The following CSMD3 variants were observed in gnomAD, a reference collection of about 807,000 sequenced individuals.
CSMD3 encodes the protein CUB and Sushi multiple domains 3.
In CSMD3, 177 loss-of-function variants were observed where a neutral mutation model predicts 435.2. The observed-to-expected ratio is 0.41, with a 90% confidence interval of 0.36 to 0.46. The LOEUF (loss-of-function observed/expected upper bound fraction) is 0.46. Ranked by LOEUF, CSMD3 falls within the 20% of genes least tolerant of loss-of-function variation. The pLI, the probability that CSMD3 is intolerant of heterozygous loss-of-function variation, is 0.34. For missense variants in CSMD3, 4,265 were observed against 4,504.6 expected (o/e 0.95, Z 1.52); for synonymous variants, 1,656 against 1,520.5 (o/e 1.09, Z -2.07).
intron 12 of CSMD3, 146 bp downstream of exon 12, chr8:112,829,540 T>G (rs2079800230): frequency 2.9e-6 from 2 of 687,188 alleles, no homozygotes; most frequent in African/African-American, 1.8e-5. Context: ...CACTAACAGA[T>G]TCTATGAAAG....
intron 31 of CSMD3, among the ~76,000 whole-genome samples, chr8:112,490,878 C>A (rs768498641): frequency 1.4e-4 from 21 of 152,204 alleles, no homozygotes; most frequent in Non-Finnish European, 2.1e-4. Context: ...TCCATGCCAT[C>A]AATCACTTTT....
intron 10 of CSMD3, among the ~76,000 whole-genome samples, chr8:112,893,199 C>G (rs2081852173): frequency 6.6e-6 from 1 of 151,390 alleles, no homozygotes; most frequent in Non-Finnish European, 1.5e-5. Flanking sequence ...TCTTAACAAA[C>G]TCTCACAACA....
At position 112,839,415 on chromosome 8, in the gene CSMD3, G is replaced by A. The variant is rs563375557; in HGVS notation, c.1756-9626C>T. On this transcript the variant is annotated intron_variant, in intron 11 of 70. Coordinates refer to ENST00000297405, the MANE Select transcript of CSMD3 (RefSeq NM_198123.2). ...CAAATATTAAATCCATAGCACCACAGTACAAAACCATTGGTTCCTTTCCAT... is the reference window on the plus strand; with the variant it reads ...CAAATATTAAATCCATAGCACCACAATACAAAACCATTGGTTCCTTTCCAT... Among the ~76,000 whole-genome samples, 45 of 151,820 alleles carry A rather than the reference G, an allele frequency of 3.0e-4. No individual in the cohort carries two copies. The South Asian group carries it at 4.8e-3, about 16-fold the overall frequency.
chr8:113,058,341 G>A (rs1164903144), intron 5 of CSMD3, among the ~76,000 whole-genome samples: 1 of 151,826 alleles, frequency 6.6e-6, no homozygotes, highest in Admixed American at 6.6e-5. Flanking sequence ...CCCAGCTAAA[G>A]TTAAATAAAA....
intron 13 of CSMD3, among the ~76,000 whole-genome samples, chr8:112,772,389 A>G (rs188333562): frequency 1.3e-5 from 2 of 152,244 alleles, no homozygotes; most frequent in East Asian, 3.9e-4. Context: ...GCTTTGTTAA[A>G]CAAATGCTTG....
At chr8:113,403,297 T>C (rs1198593167) in intron 1 of CSMD3, among the ~76,000 whole-genome samples, 3 of 151,374 alleles carry the variant, frequency 2.0e-5, no homozygotes, top group Admixed American at 6.6e-5. Flanking sequence ...AATATTACTA[T>C]AGCAATACAG....
chr8:113,210,562 C>T (rs1300423553), intron 3 of CSMD3, among the ~76,000 whole-genome samples: 2 of 151,800 alleles, frequency 1.3e-5, no homozygotes, highest in Admixed American at 6.6e-5. Context: ...TCTACTTTTA[C>T]TCTATATAGG....
chr8:113,124,803 T>G (rs1178170110), intron 4 of CSMD3, among the ~76,000 whole-genome samples: 5 of 151,996 alleles, frequency 3.3e-5, no homozygotes, highest in Admixed American at 3.3e-4. Flanking sequence ...TCTTTTATCT[T>G]TGCACCTCTA....
At chr8:112,883,252 A>G (rs1031468257) in intron 10 of CSMD3, among the ~76,000 whole-genome samples, 1 of 152,032 alleles carries the variant, frequency 6.6e-6, no homozygotes, top group Non-Finnish European at 1.5e-5. Flanking sequence ...GATTTAAAAT[A>G]TATCAACCTA....
intron 2 of CSMD3, among the ~76,000 whole-genome samples, chr8:113,279,046 A>G (rs529433201): frequency 2.0e-5 from 3 of 151,662 alleles, no homozygotes; most frequent in Non-Finnish European, 3.0e-5. Flanking sequence ...ATAATTGAAT[A>G]TGGAAGTCCT....
At chr8:113,017,112 A>C (rs2131159180) in intron 6 of CSMD3, among the ~76,000 whole-genome samples, 1 of 152,082 alleles carries the variant, frequency 6.6e-6, no homozygotes, top group East Asian at 1.9e-4. Context: ...TATAAATCCC[A>C]TCCCTCTTTT....
chr8:113,172,762 G>A (rs1048293531), intron 4 of CSMD3, among the ~76,000 whole-genome samples: 3 of 152,072 alleles, frequency 2.0e-5, no homozygotes, highest in African/African-American at 7.2e-5. Context: ...TAATTTAGAT[G>A]GGCAGTTGGA....
At chr8:112,929,678 A>G (rs2083042292) in intron 9 of CSMD3, among the ~76,000 whole-genome samples, 1 of 152,074 alleles carries the variant, frequency 6.6e-6, no homozygotes, top group Admixed American at 6.6e-5. Flanking sequence ...GTTATAAAGT[A>G]AGAAAAGGCA....
At chr8:112,859,038 T>C in intron 11 of CSMD3, 107 bp downstream of exon 11, 1 of 1,058,270 alleles carries the variant, frequency 9.4e-7, no homozygotes, top group Non-Finnish European at 1.4e-6. Context: ...TGCGCCAAAA[T>C]CCTACTTGAG....
intron 23 of CSMD3, among the ~76,000 whole-genome samples, chr8:112,582,740 C>T (rs1219265749): frequency 6.6e-6 from 1 of 151,960 alleles, no homozygotes; most frequent in African/African-American, 2.4e-5. Context: ...TCCTAACCCT[C>T]AAGGTGATGG....
intron 1 of CSMD3, among the ~76,000 whole-genome samples, chr8:113,383,858 C>T (rs756444972): frequency 6.6e-6 from 1 of 152,118 alleles, no homozygotes; most frequent in Non-Finnish European, 1.5e-5. Context: ...TCAAATGCTG[C>T]TTGTCTCCAC....
At chr8:113,420,391 T>TA (rs915742031) in intron 1 of CSMD3, among the ~76,000 whole-genome samples, 4 of 151,744 alleles carry the variant, frequency 2.6e-5, no homozygotes, top group Admixed American at 1.3e-4. Flanking sequence ...AATGAGTACT[T>TA]AAAAAAAATG....
At chr8:113,302,821 A>C (rs2132601533) in intron 2 of CSMD3, among the ~76,000 whole-genome samples, 1 of 143,072 alleles carries the variant, frequency 7.0e-6, no homozygotes, top group Middle Eastern at 3.4e-3. Flanking sequence ...ATGGGCAAAA[A>C]CTGGAAGCAT....
chr8:112,874,517 C>T (rs2081225923), intron 10 of CSMD3, among the ~76,000 whole-genome samples: 1 of 151,964 alleles, frequency 6.6e-6, no homozygotes, highest in African/African-American at 2.4e-5. Context: ...AAGTCTTCCA[C>T]TATTATTGTG....
Sources: gnomAD v4.1 joint callset for allele counts (sites outside exome capture counted in the v4.1 genomes callset) on GRCh38, gnomAD v4.1.1 for gene constraint, MANE v1.5 for transcripts, NCBI Gene and HGNC (gene_info 2026-07-23, HGNC 2026-07-21) for gene names.